Variants in RNF4 observed in about 807,000 individuals in gnomAD.
The protein encoded by RNF4 is ring finger protein 4.
Under a neutral mutation model 24.3 loss-of-function variants are expected in RNF4, and 7 were observed. The ratio of observed to expected loss-of-function variants is 0.29; its 90% confidence interval spans 0.16 to 0.54. RNF4 has a LOEUF of 0.54. Among genes scored for constraint, RNF4 ranks in the 20% least tolerant of loss-of-function variants. The pLI, the probability that RNF4 is intolerant of heterozygous loss-of-function variation, is 0.95. For synonymous variants in RNF4, 83 were observed against 84.3 expected, an observed-to-expected ratio of 0.98 and a Z score of 0.09; for missense variants, 209 against 248.5, an observed-to-expected ratio of 0.84 and a Z score of 1.07.
intron 7 of RNF4, among the ~76,000 whole-genome samples, chr4:2,513,364 G>A (rs931048727): frequency 1.3e-5 from 2 of 152,146 alleles, no homozygotes; most frequent in Admixed American, 1.3e-4. Context: ...GCTTCCGGGT[G>A]CAAATGCGTC....
At chr4:2,486,666 T>C (rs895395474) in intron 1 of RNF4, among the ~76,000 whole-genome samples, 7 of 152,020 alleles carry the variant, frequency 4.6e-5, no homozygotes, top group African/African-American at 1.7e-4. Flanking sequence ...TGGTGAGGGG[T>C]GTGCAGGCCA....
chr4:2,485,510 C>T (rs1735379892), intron 1 of RNF4, among the ~76,000 whole-genome samples: 1 of 152,168 alleles, frequency 6.6e-6, no homozygotes, highest in Non-Finnish European at 1.5e-5. Context: ...AAACTACACT[C>T]AGCACCTGTT....
At chr4:2,482,992 G>T (rs1735288722) in intron 1 of RNF4, among the ~76,000 whole-genome samples, 1 of 152,218 alleles carries the variant, frequency 6.6e-6, no homozygotes, top group Admixed American at 6.5e-5. Context: ...ATTGGTTCCA[G>T]TTCCTCCTGG....
At chr4:2,510,345 G>A (rs1427163642) in intron 4 of RNF4, among the ~76,000 whole-genome samples, 1 of 152,170 alleles carries the variant, frequency 6.6e-6, no homozygotes, top group East Asian at 1.9e-4. Flanking sequence ...CCCACCTAGG[G>A]AGCTGCTGTG....
rs1462555642 is a variant in RNF4, at chr4:2,512,169, A to G, written c.214+204A>G. 3 of 642,752 alleles carry G rather than the reference A, an allele frequency of 4.7e-6. No homozygotes were observed. Among genetic ancestry groups the G allele is most frequent in the East Asian group, 2.7e-5 (1 of 36,906 alleles). The allele number at this position is 642,752 out of a possible 1,614,324, so 39.8% of individuals were successfully genotyped here. On this transcript the variant is annotated intron_variant, in intron 5 of 7. Transcript: ENST00000314289. This position sits in a 1 kb window ranked among gnomAD's most constrained non-coding sequence, Gnocchi z 4.1. ...AGAAACTTCACCACTATCATTGAGC[A>G]CTGAGCTATAGTCCTTTCTTGTGGC...
chr4:2,473,486 G>C (rs1384920838), intron 1 of RNF4, among the ~76,000 whole-genome samples: 1 of 152,026 alleles, frequency 6.6e-6, no homozygotes, highest in African/African-American at 2.4e-5. Flanking sequence ...AGTAACTGTA[G>C]ATGTGGTGGA....
chr4:2,474,381 CAAAA>C (rs35982596), intron 1 of RNF4, among the ~76,000 whole-genome samples: 3 of 105,288 alleles, frequency 2.8e-5, no homozygotes. Context: ...GACTCTGTCT[CAAAA>C]AAAAAAAAAA....
chr4:2,487,895 C>A (rs1735458972), intron 1 of RNF4, among the ~76,000 whole-genome samples: 1 of 152,176 alleles, frequency 6.6e-6, no homozygotes, highest in Non-Finnish European at 1.5e-5. Context: ...GCCATTTTCT[C>A]AGAACCAGAC....
In RNF4 at chr4:2,514,065, G is replaced by T; in HGVS notation, c.*246G>T. The T allele has an allele frequency of 4.3e-6, 2 of 469,176 alleles. No homozygotes were observed. Among genetic ancestry groups the T allele is most frequent in the Admixed American group, 3.4e-5 (1 of 29,666 alleles). 29.1% of individuals were successfully genotyped at this position (469,176 alleles called of 1,614,324 possible). ...TGGTCCAGTTCTAGAGTGGGAGAAA[G>T]GGAGTCAGGCGCATTGGGAATCGTG... On this transcript the variant is annotated 3_prime_UTR_variant, in exon 8 of 8. Transcript: ENST00000314289.
At chr4:2,495,709 C>T (rs1263138838) in intron 2 of RNF4, among the ~76,000 whole-genome samples, 10 of 151,916 alleles carry the variant, frequency 6.6e-5, no homozygotes, top group African/African-American at 1.5e-4. Flanking sequence ...CTCGGCTCAC[C>T]GCATCCTCCA....
chr4:2,478,713 A>G (rs1210560066), intron 1 of RNF4, among the ~76,000 whole-genome samples: 1 of 152,268 alleles, frequency 6.6e-6, no homozygotes, highest in Non-Finnish European at 1.5e-5. Flanking sequence ...GGATGCATGG[A>G]AACACCTGGA....
intron 1 of RNF4, among the ~76,000 whole-genome samples, chr4:2,475,800 C>T (rs1735052948): frequency 6.6e-6 from 1 of 152,078 alleles, no homozygotes; most frequent in African/African-American, 2.4e-5. Flanking sequence ...TGTAGTTAGC[C>T]CCATTTTACT....
In RNF4 at chr4:2,512,641, G is replaced by A; in HGVS notation, c.374+44G>A. 1 of 1,605,702 alleles carries A rather than the reference G, an allele frequency of 6.2e-7. No homozygotes were observed. The highest frequency in any genetic ancestry group is 8.5e-7 in the Non-Finnish European group (1 of 1,175,232). On this transcript the variant is annotated intron_variant, in intron 6 of 7. Transcript: ENST00000314289. This position sits in a 1 kb window ranked among gnomAD's most constrained non-coding sequence, Gnocchi z 4.1. ...CTCTGCTGCCGCCATGCTAGGATGT[G>A]GGGCCAGGGCATGGGAATACTTTTC...
chr4:2,497,434 T>C (rs1735772805), intron 3 of RNF4: 1 of 184,280 alleles, frequency 5.4e-6, no homozygotes, highest in African/African-American at 2.4e-5. Flanking sequence ...CGCTTTCCTC[T>C]TCTGTTTTTC....
At chr4:2,484,682 A>G (rs911366095) in intron 1 of RNF4, among the ~76,000 whole-genome samples, 1 of 152,066 alleles carries the variant, frequency 6.6e-6, no homozygotes, top group African/African-American at 2.4e-5. Context: ...TCTAAGAAAA[A>G]CAGAATAATT....
chr4:2,500,838 C>A, intron 4 of RNF4, 100 bp downstream of exon 4: 1 of 1,077,040 alleles, frequency 9.3e-7, no homozygotes, highest in Non-Finnish European at 1.4e-6. Flanking sequence ...GTCAAGGTTA[C>A]AGCTTATGCT....
At chr4:2,476,005 T>C (rs1041587520) in intron 1 of RNF4, among the ~76,000 whole-genome samples, 27 of 152,148 alleles carry the variant, frequency 1.8e-4, no homozygotes, top group African/African-American at 6.5e-4. Flanking sequence ...AAAAACAAAA[T>C]AGTATCTTTA....
rs1735759887 is a variant in RNF4 at position 2,497,081 on chromosome 4, G to A, written c.84G>A (p.Glu28=). The part of the protein sequence containing the change: ...KRTREATSTP[E]ISLEAEPIEL... ...CTCGGGAAGCAACCTCCACCCCCGA[G>A]ATCTCCTTGGAAGCAGAACCCATAG... Residue 28 remains glutamate (E), a synonymous_variant, in exon 3 of 8, where the codon GAG becomes GAA. Coordinates refer to ENST00000314289, the MANE Select transcript of RNF4 (RefSeq NM_002938.5). The A allele has an allele frequency of 6.2e-7, 1 of 1,609,666 alleles. No individual in the cohort carries two copies. The highest frequency in any genetic ancestry group is 8.5e-7 in the Non-Finnish European group (1 of 1,178,096).
chr4:2,497,582 T>G (rs1184967616), intron 3 of RNF4, among the ~76,000 whole-genome samples: 3 of 152,188 alleles, frequency 2.0e-5, no homozygotes, highest in Non-Finnish European at 2.9e-5. Context: ...TAAGTCCCTT[T>G]GCTCTGCATA....
Sources: gnomAD v4.1 joint callset for allele counts (sites outside exome capture counted in the v4.1 genomes callset) on GRCh38, gnomAD v4.1.1 for gene constraint, Gnocchi (gnomAD v3.1) non-coding constraint, MANE v1.5 for transcripts, NCBI Gene and HGNC (gene_info 2026-07-23, HGNC 2026-07-21) for gene names.